The following NDC1 variants were observed in gnomAD, a reference collection of about 807,000 sequenced individuals.
NDC1 encodes the protein NDC1 transmembrane nucleoporin, also known as nucleoporin NDC1.
NDC1 carries 24 observed loss-of-function variants against 89.8 expected under a neutral mutation model. That is an observed-to-expected ratio of 0.27 (90% CI 0.19 to 0.38). NDC1 has a LOEUF of 0.38. Among genes scored for constraint, NDC1 ranks in the 10% least tolerant of loss-of-function variants. The pLI is 1.00. For missense variants in NDC1, 728 were observed against 797.6 expected, an observed-to-expected ratio of 0.91 and a Z score of 1.05; for synonymous variants, 296 against 284.8, an observed-to-expected ratio of 1.04 and a Z score of -0.39.
chr1:53,836,817 C>T (rs1169620896), intron 1 of NDC1, among the ~76,000 whole-genome samples: 1 of 152,140 alleles, frequency 6.6e-6, no homozygotes, highest in East Asian at 1.9e-4. Context: ...GGATTAAAGA[C>T]CTACATGTAA....
intron 11 of NDC1, among the ~76,000 whole-genome samples, chr1:53,798,013 A>C (rs1246120441): frequency 6.6e-6 from 1 of 152,026 alleles, no homozygotes; most frequent in Admixed American, 6.6e-5. Context: ...CAGCTTTTTC[A>C]AAAGTCATCT....
intron 7 of NDC1, among the ~76,000 whole-genome samples, chr1:53,808,927 A>G (rs1333990117): frequency 6.6e-6 from 1 of 152,256 alleles, no homozygotes; most frequent in Non-Finnish European, 1.5e-5. Flanking sequence ...CATATATGAA[A>G]CAAAAACCCT....
rs1233650461 is a variant in NDC1, at chr1:53,766,441, C to T, written c.*1529G>A. On this transcript the variant is annotated 3_prime_UTR_variant, in exon 18 of 18. Coordinates refer to ENST00000371429, the MANE Select transcript of NDC1 (RefSeq NM_018087.5). ...CTTGGCCATCTGTAAGAAATGACTA[C>T]GTTTGAAATTCAACTTTCACATTCA... The T allele has an allele frequency of 3.3e-5, 5 of 152,134 alleles. No homozygotes were observed. The highest frequency in any genetic ancestry group is 2.9e-5 in the Non-Finnish European group (2 of 68,038). 9.4% of individuals were successfully genotyped at this position (152,134 alleles called of 1,614,324 possible).
At chr1:53,787,109 T>A in intron 16 of NDC1, 49 bp downstream of exon 16, 1 of 904,168 alleles carries the variant, frequency 1.1e-6, no homozygotes, top group Non-Finnish European at 1.8e-6. Context: ...AAGCACTGGG[T>A]GGGAGGGGAA....
chr1:53,832,641 A>G, intron 2 of NDC1, 50 bp from the exon 3 acceptor site: 1 of 887,848 alleles, frequency 1.1e-6, no homozygotes, highest in Non-Finnish European at 1.8e-6. Flanking sequence ...TCATGTAGTC[A>G]CGTTCAGGAC....
intron 17 of NDC1, 96 bp from the exon 18 acceptor site, chr1:53,768,129 A>T: frequency 1.5e-6 from 1 of 683,046 alleles, no homozygotes; most frequent in Non-Finnish European, 2.3e-6. Flanking sequence ...CAAAACAATT[A>T]AAAATGAATA....
At chr1:53,779,846 C>T (rs922704779) in intron 16 of NDC1, among the ~76,000 whole-genome samples, 1 of 152,150 alleles carries the variant, frequency 6.6e-6, no homozygotes, top group Non-Finnish European at 1.5e-5. Context: ...TTCATAGAAA[C>T]CGAGAATAGA....
Position 53,765,909 on chromosome 1 carries a change from A to T in NDC1, c.*2061T>A, listed in dbSNP as rs1647061766. 6.6e-6 allele frequency: 1 copy of T among 152,140 alleles called. No homozygotes were observed. Among genetic ancestry groups the T allele is most frequent in the Non-Finnish European group, 1.5e-5 (1 of 68,026 alleles). The allele number at this position is 152,140 out of a possible 1,614,324, so 9.4% of individuals were successfully genotyped here. A position where few individuals can be genotyped will look rare whatever the true frequency, so the allele number is the denominator to read the frequency against. On this transcript the variant is annotated 3_prime_UTR_variant, in exon 18 of 18. Transcript: ENST00000371429. ...GGTCCTCCTCCTAGTACACAGGAGG[A>T]GTTCCCCATAATAACACCCTGGTTC...
intron 6 of NDC1, among the ~76,000 whole-genome samples, chr1:53,814,086 G>T (rs1376686562): frequency 6.6e-6 from 1 of 152,226 alleles, no homozygotes; most frequent in Non-Finnish European, 1.5e-5. Flanking sequence ...GGGCGCAGTG[G>T]CTCATGCCTG....
chr1:53,832,662 A>G (rs1398792013), intron 2 of NDC1, 71 bp from the exon 3 acceptor site: 1 of 744,886 alleles, frequency 1.3e-6, no homozygotes, highest in Non-Finnish European at 2.3e-6. Context: ...ACTGCAATAT[A>G]AAAAGAGCTT....
intron 10 of NDC1, among the ~76,000 whole-genome samples, chr1:53,803,508 T>G (rs1234324038): frequency 6.6e-6 from 1 of 152,250 alleles, no homozygotes; most frequent in African/African-American, 2.4e-5. Context: ...CTTCATTTAA[T>G]GGACTCATTG....
At position 53,825,453 on chromosome 1, in the gene NDC1, C is replaced by CAAAAAAA. The variant is rs369960654; in HGVS notation, c.594+338_594+344dup. On this transcript the variant is annotated intron_variant, in intron 5 of 17. Transcript: ENST00000371429. ...CTGGGCAAAGAAGCGAGACTGTCTC[C>CAAAAAAA]AAAAAAAAAGAAGCTACACAGAGTA... 1.6e-4 allele frequency among the ~76,000 whole-genome samples: 20 copies of CAAAAAAA among 125,964 alleles called. 2 individuals carry two copies. The highest frequency in any genetic ancestry group is 4.0e-3 in the Middle Eastern group (1 of 250). 82.6% of individuals were successfully genotyped at this position (125,964 alleles called of 152,430 possible).
chr1:53,796,646 A>AT, intron 13 of NDC1, 43 bp downstream of exon 13: 1 of 1,332,300 alleles, frequency 7.5e-7, no homozygotes, highest in South Asian at 1.4e-5. Context: ...TAATGTTCTC[A>AT]ATTTTACATG....
intron 5 of NDC1, among the ~76,000 whole-genome samples, chr1:53,823,684 T>G (rs535296213): frequency 1.3e-5 from 2 of 152,248 alleles, no homozygotes; most frequent in African/African-American, 2.4e-5. Context: ...GATGATTTAT[T>G]ATGGACATTT....
Position 53,796,775 on chromosome 1 carries a change from A to G in NDC1, c.1498T>C (p.Ser500Pro), listed in dbSNP as rs1235796882. 1 of 1,609,668 alleles carries G rather than the reference A, an allele frequency of 6.2e-7. No homozygotes were observed. Among genetic ancestry groups the G allele is most frequent in the Admixed American group, 1.7e-5 (1 of 58,488 alleles). The change falls in exon 13 of 18, where the codon TCT becomes CCT. Residue 500 changes from serine (S) to proline (P), a missense_variant. Ser to Pro is a moderately conservative substitution (Grantham distance 74, BLOSUM62 -1). Coordinates refer to ENST00000371429, the MANE Select transcript of NDC1 (RefSeq NM_018087.5). Reference sequence around the variant, plus strand: ...TCAGCACTAATAGAGGTAGATGGAGAAGGATTAGAAAATTCAGTCATTTGC... The same window carrying G: ...TCAGCACTAATAGAGGTAGATGGAGGAGGATTAGAAAATTCAGTCATTTGC... ...DQQMTEFSNP[S>P]PSTSISAEGK... is the part of the protein sequence containing the mutation.
At chr1:53,769,528 C>T (rs1557560822) in intron 17 of NDC1, among the ~76,000 whole-genome samples, 2 of 152,106 alleles carry the variant, frequency 1.3e-5, no homozygotes, top group African/African-American at 2.4e-5. Context: ...CAAATATACA[C>T]AATACAATTT....
chr1:53,793,211 A>G lies in NDC1; in HGVS notation c.1635+18T>C, dbSNP rs529814831. ...TTCCTCCCTCCCCATTCCCAACGCT[A>G]TAACCACATATTCTTACCTTACTGA... is the stretch of plus-strand genomic sequence containing the variant. On this transcript the variant is annotated intron_variant, in intron 14 of 17. Coordinates refer to ENST00000371429, the MANE Select transcript of NDC1 (RefSeq NM_018087.5). 1.9e-6 allele frequency: 3 copies of G among 1,592,130 alleles called. No individual in the cohort carries two copies. The Admixed American group carries it at 5.0e-5, about 27-fold the overall frequency.
In NDC1 at chr1:53,797,102, C is replaced by T. The variant is rs773678647; in HGVS notation, c.1265G>A (p.Arg422Gln). 2.2e-5 allele frequency: 36 copies of T among 1,614,094 alleles called. No homozygotes were observed. The highest frequency in any genetic ancestry group is 3.3e-5 in the Admixed American group (2 of 60,014). The stretch of plus-strand genomic sequence containing the variant: ...TTTAACTAATGGTGGCACTGAAGGC[C>T]GAGGCATCTGGCTAGATTTTGGTGT... Reference protein sequence around the residue: ...FQTPKSSQMPRPSVPPLVKTS... With the variant: ...FQTPKSSQMPQPSVPPLVKTS... Residue 422 changes from arginine (R) to glutamine (Q), a missense_variant, in exon 12 of 18, where the codon CGG becomes CAG. By Grantham distance (43) the Arg-to-Gln change is conservative. Transcript: ENST00000371429.
chr1:53,832,265 C>A (rs1180406605), intron 3 of NDC1, among the ~76,000 whole-genome samples: 5 of 151,966 alleles, frequency 3.3e-5, no homozygotes, highest in Non-Finnish European at 7.4e-5. Context: ...CCAGATACCT[C>A]GTATAAGTAG....
Sources: allele counts gnomAD v4.1 joint callset (sites outside exome capture counted in the v4.1 genomes callset), GRCh38; gene constraint gnomAD v4.1.1; transcripts MANE v1.5; gene names NCBI Gene and HGNC (gene_info 2026-07-23, HGNC 2026-07-21).